Variants in ROBO2 observed in about 807,000 individuals in gnomAD.
ROBO2 encodes the protein roundabout homolog 2.
ROBO2 carries 53 observed loss-of-function variants against 160.8 expected under a neutral mutation model. That is an observed-to-expected ratio of 0.33 (90% CI 0.26 to 0.41). The LOEUF (loss-of-function observed/expected upper bound fraction) is 0.41, where lower values mean the gene tolerates loss of function less well. Among genes scored for constraint, ROBO2 ranks in the 10% least tolerant of loss-of-function variants. ROBO2 has a pLI of 1.00. For missense variants in ROBO2, 1,577 were observed against 1,722.4 expected (o/e 0.92, Z 1.49); for synonymous variants, 664 against 611.7 (o/e 1.09, Z -1.26).
At chr3:76,315,701 T>A (rs537406689) in intron 2 of ROBO2, among the ~76,000 whole-genome samples, 118 of 152,308 alleles carry the variant, frequency 7.7e-4, no homozygotes, top group African/African-American at 2.7e-3. Flanking sequence ...TTATATGAAC[T>A]AATAAAAAAT....
chr3:76,655,692 G>A (rs2091484405), intron 2 of ROBO2, among the ~76,000 whole-genome samples: 1 of 147,284 alleles, frequency 6.8e-6, no homozygotes, highest in African/African-American at 2.5e-5. Flanking sequence ...GGGCAGGTAG[G>A]CAGGCAGACA....
chr3:76,894,508 G>A (rs1354074338), intron 2 of ROBO2, among the ~76,000 whole-genome samples: 1 of 151,998 alleles, frequency 6.6e-6, no homozygotes, highest in Non-Finnish European at 1.5e-5. Flanking sequence ...TTCCATTAAG[G>A]TGTGAAGCAC....
intron 2 of ROBO2, among the ~76,000 whole-genome samples, chr3:77,219,014 G>A (rs2085355648): frequency 1.3e-5 from 2 of 152,058 alleles, no homozygotes; most frequent in South Asian, 4.1e-4. Context: ...TGTCTCCCGG[G>A]CTGGATTGCA....
At chr3:77,082,575 T>A (rs72904052) in intron 1 of ROBO2, among the ~76,000 whole-genome samples, 83 of 152,044 alleles carry the variant, frequency 5.5e-4, no homozygotes, top group African/African-American at 1.9e-3. Context: ...GTTGATATAT[T>A]TCTCCTGTGA....
chr3:76,738,907 G>A (rs1576340045), intron 2 of ROBO2, among the ~76,000 whole-genome samples: 1 of 152,088 alleles, frequency 6.6e-6, no homozygotes, highest in East Asian at 1.9e-4. Context: ...GATAGGGCAG[G>A]AAAAGTTGGT....
At chr3:76,451,371 C>T (rs374746298) in intron 2 of ROBO2, among the ~76,000 whole-genome samples, 1 of 152,130 alleles carries the variant, frequency 6.6e-6, no homozygotes, top group Non-Finnish European at 1.5e-5. Context: ...TGCCACTTAT[C>T]TAGACAAGTT....
At chr3:76,894,357 A>G (rs1195095296) in intron 2 of ROBO2, among the ~76,000 whole-genome samples, 1 of 152,100 alleles carries the variant, frequency 6.6e-6, no homozygotes. Flanking sequence ...TAAAACAGGT[A>G]TGGCCTGTTT....
At chr3:76,331,888 C>T (rs569334565) in intron 2 of ROBO2, among the ~76,000 whole-genome samples, 4 of 151,838 alleles carry the variant, frequency 2.6e-5, no homozygotes, top group Admixed American at 6.6e-5. Flanking sequence ...TTCACTATAT[C>T]GGTCAGGCTG....
intron 2 of ROBO2, among the ~76,000 whole-genome samples, chr3:76,468,163 G>A (rs763579028): frequency 4.6e-5 from 7 of 152,092 alleles, no homozygotes; most frequent in African/African-American, 7.2e-5. Flanking sequence ...TGTTTTGGAT[G>A]TGAGGAATTA....
intron 2 of ROBO2, among the ~76,000 whole-genome samples, chr3:76,318,438 G>A (rs1451942218): frequency 6.6e-5 from 10 of 151,872 alleles, no homozygotes; most frequent in African/African-American, 9.7e-5. Context: ...CTCTCCTCCC[G>A]TTTCCAAATT....
intron 2 of ROBO2, among the ~76,000 whole-genome samples, chr3:76,454,385 C>G (rs2077638795): frequency 6.6e-6 from 1 of 152,138 alleles, no homozygotes; most frequent in Non-Finnish European, 1.5e-5. Flanking sequence ...CTAAAGAAAG[C>G]ATCATTAGCA....
intron 2 of ROBO2, among the ~76,000 whole-genome samples, chr3:76,071,198 G>A (rs780352162): frequency 6.6e-6 from 1 of 152,112 alleles, no homozygotes; most frequent in East Asian, 1.9e-4. Context: ...TACTGTTTAT[G>A]TCAGGTTGCT....
chr3:76,615,981 C>A (rs919009004), intron 2 of ROBO2, among the ~76,000 whole-genome samples: 1 of 152,124 alleles, frequency 6.6e-6, no homozygotes, highest in Admixed American at 6.5e-5. Flanking sequence ...CTACATAGTT[C>A]AGACCTTTTT....
intron 1 of ROBO2, among the ~76,000 whole-genome samples, chr3:77,087,684 G>T (rs2069508711): frequency 1.3e-5 from 2 of 151,860 alleles, no homozygotes; most frequent in Admixed American, 1.3e-4. Flanking sequence ...ATATATACAT[G>T]TGTGTGTATA....
chr3:77,022,159 C>G (rs2062678184), intron 2 of ROBO2, among the ~76,000 whole-genome samples: 1 of 152,164 alleles, frequency 6.6e-6, no homozygotes, highest in African/African-American at 2.4e-5. Context: ...CACTTGAGGT[C>G]AGGGGTTTGA....
chr3:76,644,080 C>T (rs1010627200), intron 2 of ROBO2, among the ~76,000 whole-genome samples: 1 of 152,160 alleles, frequency 6.6e-6, no homozygotes, highest in African/African-American at 2.4e-5. Context: ...ACACTACTCA[C>T]CTTATCTTTG....
chr3:75,920,807 G>A (rs1282160942), intron 1 of ROBO2, among the ~76,000 whole-genome samples: 1 of 151,512 alleles, frequency 6.6e-6, no homozygotes, highest in Non-Finnish European at 1.5e-5. Flanking sequence ...TTTTATCTTT[G>A]TTGGTTCAAA....
chr3:76,376,031 C>G lies in ROBO2; in HGVS notation c.109+438429C>G, dbSNP rs188699615. 5.6e-3 allele frequency among the ~76,000 whole-genome samples: 855 copies of G among 152,004 alleles called. 6 individuals carry two copies. Among genetic ancestry groups the G allele is most frequent in the African/African-American group, 0.02 (809 of 41,474 alleles). On this transcript the variant is annotated intron_variant, in intron 2 of 26. Transcript: ENST00000487694. ...TAATATCTGTATTTTTACTTTAATC[C>G]TGAGAAGAAGACTGTGTCTTATATT...
At chr3:76,865,780 CA>C (rs1429923067) in intron 2 of ROBO2, among the ~76,000 whole-genome samples, 2 of 151,986 alleles carry the variant, frequency 1.3e-5, no homozygotes, top group East Asian at 3.9e-4. Flanking sequence ...TTCTACCCAC[CA>C]AAATTATCTT....
Sources: gnomAD v4.1 joint callset for allele counts (sites outside exome capture counted in the v4.1 genomes callset) on GRCh38, gnomAD v4.1.1 for gene constraint, MANE v1.5 for transcripts, NCBI Gene and HGNC (gene_info 2026-07-23, HGNC 2026-07-21) for gene names.